The following SLC5A1 variants were observed in gnomAD, a reference collection of about 807,000 sequenced individuals.
The protein encoded by SLC5A1 is solute carrier family 5 member 1.
Under a neutral mutation model 73.5 loss-of-function variants are expected in SLC5A1, and 42 were observed. That is an observed-to-expected ratio of 0.57 (90% CI 0.45 to 0.74). The LOEUF is 0.74. Ranked by LOEUF, SLC5A1 falls within the 30% of genes least tolerant of loss-of-function variation. The pLI is 0.00. For synonymous variants in SLC5A1, 300 were observed against 317.4 expected, an observed-to-expected ratio of 0.95 and a Z score of 0.58; for missense variants, 634 against 855.4, an observed-to-expected ratio of 0.74 and a Z score of 3.23.
chr22:32,048,400 C>T (rs1032932898), intron 1 of SLC5A1, among the ~76,000 whole-genome samples: 3 of 152,250 alleles, frequency 2.0e-5, no homozygotes, highest in South Asian at 2.1e-4. Context: ...AGCTGGTCAT[C>T]GTATATTGAA....
intron 11 of SLC5A1, among the ~76,000 whole-genome samples, chr22:32,094,614 T>C (rs2094023421): frequency 6.6e-6 from 1 of 152,210 alleles, no homozygotes; most frequent in South Asian, 2.1e-4. Flanking sequence ...CTAGGTTTTC[T>C]GGTTTATGCA....
At chr22:32,068,687 T>C (rs2093978165) in intron 5 of SLC5A1, 87 bp downstream of exon 5, 1 of 904,856 alleles carries the variant, frequency 1.1e-6, no homozygotes, top group Non-Finnish European at 1.8e-6. Flanking sequence ...GAGGCGGCTC[T>C]ATACATTTCT....
intron 5 of SLC5A1, among the ~76,000 whole-genome samples, chr22:32,074,533 C>T (rs542695600): frequency 1.3e-4 from 20 of 152,278 alleles, no homozygotes; most frequent in African/African-American, 4.6e-4. Flanking sequence ...GCACTGCCCT[C>T]CCTCAGGAAG....
At chr22:32,060,012 TATACACACAC>T (rs1569302047) in intron 2 of SLC5A1, among the ~76,000 whole-genome samples, 1 of 92,380 alleles carries the variant, frequency 1.1e-5, no homozygotes, top group African/African-American at 3.8e-5. Context: ...GGGCCATGGT[TATACACACAC>T]ACACACACAC....
rs1007046960 is a variant in SLC5A1 at position 32,086,371 on chromosome 22, G to C, written c.1129+44G>C. 2.2e-6 allele frequency: 3 copies of C among 1,346,936 alleles called. No individual in the cohort carries two copies. In the East Asian group the frequency reaches 6.9e-5, roughly 31 times the overall value. The allele number at this position is 1,346,936 out of a possible 1,614,324, so 83.4% of individuals were successfully genotyped here. A position where few individuals can be genotyped will look rare whatever the true frequency, so the allele number is the denominator to read the frequency against. On this transcript the variant is annotated intron_variant, in intron 10 of 14. Coordinates refer to ENST00000266088, the MANE Select transcript of SLC5A1 (RefSeq NM_000343.4). Reference sequence around the variant, plus strand: ...AGGTTGGTAGAGTCTTTCTTGGGAGGCTGATTGGGTTTAGGCACCACCTAC... The same window carrying C: ...AGGTTGGTAGAGTCTTTCTTGGGAGCCTGATTGGGTTTAGGCACCACCTAC...
At position 32,063,311 on chromosome 22, in the gene SLC5A1, A is replaced by ACTCCC. The variant is rs2093966667; in HGVS notation, c.208-3624_208-3623insCTCCC. Among the ~76,000 whole-genome samples the ACTCCC allele has an allele frequency of 2.0e-5, 3 of 152,092 alleles. No homozygotes were observed. In the South Asian group the frequency reaches 6.2e-4, roughly 32 times the overall value. ...GAAGTAATTATCCTCTTGGGAGGAGAAAGGAGGGAAGGGACACTGATTGAG... is the reference window on the plus strand; with the variant it reads ...GAAGTAATTATCCTCTTGGGAGGAGACTCCCAAGGAGGGAAGGGACACTGATTGAG... On this transcript the variant is annotated intron_variant, in intron 2 of 14. Transcript: ENST00000266088.
In SLC5A1 at chr22:32,043,344, G is replaced by A. The variant is rs764951456; in HGVS notation, c.63G>A (p.Glu21=). Residue 21 remains glutamate (E), a synonymous_variant, in exon 1 of 15, where the codon GAG becomes GAA. Coordinates refer to ENST00000266088, the MANE Select transcript of SLC5A1 (RefSeq NM_000343.4). The surrounding 1 kb of genome is among the most constrained non-coding windows in gnomAD (Gnocchi z 6.5). ...TCACCCGGCCTGTTGAGACCCACGA[G>A]CTCATTCGCAATGCAGCCGATATCT... ...TAVTRPVETH[E]LIRNAADISI... is the part of the protein sequence containing the mutation. 6.2e-6 allele frequency: 10 copies of A among 1,614,160 alleles called. No homozygotes were observed. The highest frequency in any genetic ancestry group is 8.5e-6 in the Non-Finnish European group (10 of 1,180,012).
At chr22:32,087,025 T>C (rs1412309247) in intron 10 of SLC5A1, among the ~76,000 whole-genome samples, 3 of 152,168 alleles carry the variant, frequency 2.0e-5, no homozygotes, top group Admixed American at 6.5e-5. Context: ...ATACCACATA[T>C]TGTCACTTAC....
chr22:32,074,761 C>G (rs922366738), intron 5 of SLC5A1, among the ~76,000 whole-genome samples: 1 of 152,188 alleles, frequency 6.6e-6, no homozygotes, highest in African/African-American at 2.4e-5. Flanking sequence ...GACCAGGGAT[C>G]CCTTGACAAA....
At chr22:32,055,754 A>G (rs1036094574) in intron 2 of SLC5A1, among the ~76,000 whole-genome samples, 3 of 152,242 alleles carry the variant, frequency 2.0e-5, no homozygotes, top group African/African-American at 7.2e-5. Context: ...AGAATAATAC[A>G]AACCTCACAG....
At chr22:32,048,176 C>T (rs2093939684) in intron 1 of SLC5A1, among the ~76,000 whole-genome samples, 1 of 150,216 alleles carries the variant, frequency 6.7e-6, no homozygotes, top group Non-Finnish European at 1.5e-5. Context: ...AAAAAGGTGC[C>T]ACCTCTGACA....
Position 32,111,356 on chromosome 22 carries a change from G to A in SLC5A1, c.*1143G>A, listed in dbSNP as rs769561191. 6.6e-6 allele frequency: 1 copy of A among 152,036 alleles called. No homozygotes were observed. The highest frequency in any genetic ancestry group is 1.5e-5 in the Non-Finnish European group (1 of 68,016). 9.4% of individuals were successfully genotyped at this position (152,036 alleles called of 1,614,324 possible). On this transcript the variant is annotated 3_prime_UTR_variant, in exon 15 of 15. Coordinates refer to ENST00000266088, the MANE Select transcript of SLC5A1 (RefSeq NM_000343.4). ...TGTCCTAAATCTACTCTTCTGATAAGGACATCAGTCATATTGGAATAGGAC... is the reference window on the plus strand; with the variant it reads ...TGTCCTAAATCTACTCTTCTGATAAAGACATCAGTCATATTGGAATAGGAC...
intron 13 of SLC5A1, among the ~76,000 whole-genome samples, chr22:32,103,450 G>A (rs2094039875): frequency 6.6e-6 from 1 of 152,192 alleles, no homozygotes; most frequent in South Asian, 2.1e-4. Flanking sequence ...CCAACAGGCT[G>A]ATATCAAGCC....
intron 5 of SLC5A1, among the ~76,000 whole-genome samples, chr22:32,069,693 TTAGGGATA>T (rs2093979717): frequency 6.6e-6 from 1 of 151,642 alleles, no homozygotes; most frequent in Non-Finnish European, 1.5e-5. Context: ...AAGGGGGGAG[TTAGGGATA>T]TCTAAGGGTT....
In SLC5A1 at chr22:32,090,399, A is replaced by G. The variant is rs534020462; in HGVS notation, c.1130-1213A>G. Among the ~76,000 whole-genome samples, 5 of 152,280 alleles carry G rather than the reference A, an allele frequency of 3.3e-5. No individual in the cohort carries two copies. In the East Asian group the frequency reaches 9.7e-4, roughly 29 times the overall value. On this transcript the variant is annotated intron_variant, in intron 10 of 14. Coordinates refer to ENST00000266088, the MANE Select transcript of SLC5A1 (RefSeq NM_000343.4). ...ATATTTCATATAAATAGAATCATAT[A>G]ATACGTGTTTTTTTGTGACTTGCTT... is the stretch of plus-strand genomic sequence containing the variant.
chr22:32,061,975 C>T (rs149701140), intron 2 of SLC5A1, among the ~76,000 whole-genome samples: 1 of 152,242 alleles, frequency 6.6e-6, no homozygotes, highest in East Asian at 1.9e-4. Context: ...CATGAGAAGT[C>T]TGGGGAAAAC....
intron 1 of SLC5A1, among the ~76,000 whole-genome samples, chr22:32,048,566 A>T (rs1018933221): frequency 1.8e-4 from 27 of 152,122 alleles, no homozygotes; most frequent in African/African-American, 6.0e-4. Context: ...TCATCAGATA[A>T]CACTGTTCGC....
chr22:32,068,674 C>G (rs1486662538), intron 5 of SLC5A1, 74 bp downstream of exon 5: 29 of 1,006,930 alleles, frequency 2.9e-5, no homozygotes, highest in African/African-American at 4.7e-5. Context: ...TGCTGCCCAC[C>G]AAGAGGCGGC....
intron 2 of SLC5A1, among the ~76,000 whole-genome samples, chr22:32,059,904 G>A (rs921459930): frequency 3.3e-5 from 5 of 151,650 alleles, no homozygotes; most frequent in African/African-American, 7.3e-5. Context: ...TTCCAGTTCC[G>A]GGGCCTCCCT....
Sources: gnomAD v4.1 joint callset for allele counts (sites outside exome capture counted in the v4.1 genomes callset) on GRCh38, gnomAD v4.1.1 for gene constraint, Gnocchi (gnomAD v3.1) non-coding constraint, MANE v1.5 for transcripts, NCBI Gene and HGNC (gene_info 2026-07-23, HGNC 2026-07-21) for gene names.